Variants in KPNA4 observed in about 807,000 individuals in gnomAD.
The protein encoded by KPNA4 is importin subunit alpha-3.
In KPNA4, 13 loss-of-function variants were observed where a neutral mutation model predicts 71.3. That is an observed-to-expected ratio of 0.18 (90% CI 0.12 to 0.29). The LOEUF (loss-of-function observed/expected upper bound fraction) is 0.29. Ranked by LOEUF, KPNA4 falls within the 10% of genes least tolerant of loss-of-function variation. The pLI is 1.00. For synonymous variants in KPNA4, 189 were observed against 195.2 expected (o/e 0.97, Z 0.26); for missense variants, 334 against 603.2 (o/e 0.55, Z 4.67).
At chr3:160,506,559 AT>A in intron 15 of KPNA4, among the ~76,000 whole-genome samples, 1 of 152,218 alleles carries the variant, frequency 6.6e-6, no homozygotes, top group South Asian at 2.1e-4. Context: ...AATGCACCCC[AT>A]CCCCTAGATG....
intron 13 of KPNA4, among the ~76,000 whole-genome samples, chr3:160,512,419 A>G (rs1461676234): frequency 6.6e-6 from 1 of 152,332 alleles, no homozygotes; most frequent in East Asian, 1.9e-4. Flanking sequence ...TTTCCAAATG[A>G]CACTAAAAAA....
At chr3:160,555,852 A>G (rs1722125718) in intron 1 of KPNA4, among the ~76,000 whole-genome samples, 1 of 151,736 alleles carries the variant, frequency 6.6e-6, no homozygotes, top group South Asian at 2.1e-4. Flanking sequence ...TATTTTTGAG[A>G]AGGAGTTTTG....
intron 1 of KPNA4, among the ~76,000 whole-genome samples, chr3:160,543,943 C>T (rs897567795): frequency 2.6e-5 from 4 of 151,950 alleles, no homozygotes; most frequent in Admixed American, 6.5e-5. Flanking sequence ...CTGCAACCTC[C>T]GCCTCCTGGG....
chr3:160,557,500 C>A (rs762595729), intron 1 of KPNA4, among the ~76,000 whole-genome samples: 4 of 152,040 alleles, frequency 2.6e-5, no homozygotes, highest in Non-Finnish European at 5.9e-5. Flanking sequence ...TCTTAGGATT[C>A]CGACTTTTGT....
chr3:160,548,490 T>C (rs1721973241), intron 1 of KPNA4, among the ~76,000 whole-genome samples: 1 of 152,146 alleles, frequency 6.6e-6, no homozygotes, highest in Non-Finnish European at 1.5e-5. Flanking sequence ...CAACCATTAT[T>C]CCTTTTCCTG....
chr3:160,517,928 T>C (rs1167417582), intron 11 of KPNA4, among the ~76,000 whole-genome samples: 1 of 152,224 alleles, frequency 6.6e-6, no homozygotes, highest in Non-Finnish European at 1.5e-5. Flanking sequence ...CTTTTCACTT[T>C]CTTGATGGTG....
intron 1 of KPNA4, among the ~76,000 whole-genome samples, chr3:160,563,828 G>A (rs1722289564): frequency 1.3e-5 from 2 of 151,864 alleles, no homozygotes; most frequent in South Asian, 4.2e-4. Flanking sequence ...ATTAAAAAAA[G>A]GGATCACAAT....
At chr3:160,560,835 T>C (rs1000704424) in intron 1 of KPNA4, among the ~76,000 whole-genome samples, 2 of 152,144 alleles carry the variant, frequency 1.3e-5, no homozygotes, top group East Asian at 1.9e-4. Flanking sequence ...ATATTTCATA[T>C]TGTCACATGC....
chr3:160,538,354 CAA>C (rs531145264), intron 1 of KPNA4, among the ~76,000 whole-genome samples: 178 of 151,940 alleles, frequency 1.2e-3, no homozygotes, highest in African/African-American at 4.2e-3. Context: ...ATAAATGCAA[CAA>C]AGAGGTGATT....
intron 12 of KPNA4, chr3:160,514,868 T>TA: frequency 2.2e-6 from 1 of 452,746 alleles, no homozygotes; most frequent in Non-Finnish European, 4.4e-6. Flanking sequence ...AGTTTTACTC[T>TA]AAAAAATATT....
intron 7 of KPNA4, 119 bp downstream of exon 7, chr3:160,530,736 A>T: frequency 1.6e-6 from 1 of 639,992 alleles, no homozygotes; most frequent in Non-Finnish European, 2.7e-6. Flanking sequence ...CTATTTCAAT[A>T]ACTACGTAGT....
intron 16 of KPNA4, among the ~76,000 whole-genome samples, chr3:160,502,586 G>T (rs1720905373): frequency 6.6e-6 from 1 of 151,974 alleles, no homozygotes; most frequent in South Asian, 2.1e-4. Context: ...GCCCAGGCTG[G>T]TCTCAAACTC....
chr3:160,542,992 A>C (rs1398242833), intron 1 of KPNA4, among the ~76,000 whole-genome samples: 2 of 152,216 alleles, frequency 1.3e-5, no homozygotes, highest in African/African-American at 2.4e-5. Context: ...GAGTTTCACT[A>C]TCTCTTCAAC....
Position 160,565,458 on chromosome 3 carries a change from C to G in KPNA4, c.-176G>C, listed in dbSNP as rs1473334655. 1.7e-6 allele frequency: 1 copy of G among 590,596 alleles called. No individual in the cohort carries two copies. 36.6% of individuals were successfully genotyped at this position (590,596 alleles called of 1,614,324 possible). A position where few individuals can be genotyped will look rare whatever the true frequency, so the allele number is the denominator to read the frequency against. ...GCGGCCTTCTCCTCTCCCCGCCCGC[C>G]CCCCCGCCCTAACCCCAGCGCGACT... On this transcript the variant is annotated 5_prime_UTR_variant, in exon 1 of 17. Coordinates refer to ENST00000334256, the MANE Select transcript of KPNA4 (RefSeq NM_002268.5).
chr3:160,510,035 A>G (rs1478300754), intron 13 of KPNA4, among the ~76,000 whole-genome samples, 164 bp from the exon 14 acceptor site: 1 of 152,162 alleles, frequency 6.6e-6, no homozygotes, highest in Non-Finnish European at 1.5e-5. Context: ...ACTATTCCCA[A>G]TCTACCCTAA....
intron 3 of KPNA4, 41 bp downstream of exon 3, chr3:160,535,767 C>T (rs368929653): frequency 1.1e-5 from 17 of 1,560,086 alleles, no homozygotes; most frequent in South Asian, 4.9e-5. Context: ...ATCTTTCACT[C>T]GTACTTTTAA....
chr3:160,529,089 C>T (rs186447488), intron 7 of KPNA4, among the ~76,000 whole-genome samples: 4 of 152,002 alleles, frequency 2.6e-5, no homozygotes, highest in Non-Finnish European at 2.9e-5. Flanking sequence ...CCACCAAGCC[C>T]GGCTAATTTT....
At chr3:160,522,178 C>T (rs1178970778) in intron 10 of KPNA4, among the ~76,000 whole-genome samples, 2 of 152,180 alleles carry the variant, frequency 1.3e-5, no homozygotes, top group Admixed American at 1.3e-4. Context: ...GCACACTACA[C>T]AGCTCATAAA....
intron 7 of KPNA4, among the ~76,000 whole-genome samples, chr3:160,529,250 T>G (rs189651631): frequency 2.6e-3 from 395 of 152,278 alleles, no homozygotes; most frequent in Non-Finnish European, 4.4e-3. Context: ...ATTTATTTAT[T>G]TATTATTTTT....
Sources: gnomAD v4.1 joint callset for allele counts (sites outside exome capture counted in the v4.1 genomes callset) on GRCh38, gnomAD v4.1.1 for gene constraint, MANE v1.5 for transcripts, NCBI Gene and HGNC (gene_info 2026-07-23, HGNC 2026-07-21) for gene names.